Variants in EFNA5 observed in about 807,000 individuals in gnomAD.
EFNA5 encodes ephrin-A5.
In EFNA5, 5 loss-of-function variants were observed where a neutral mutation model predicts 22.9. That is an observed-to-expected ratio of 0.22 (90% CI 0.11 to 0.46). The LOEUF (loss-of-function observed/expected upper bound fraction) is 0.46, where lower values mean the gene tolerates loss of function less well. Among genes scored for constraint, EFNA5 ranks in the 20% least tolerant of loss-of-function variants. The probability of loss-of-function intolerance (pLI) is 0.99; values close to 1 mark genes in which losing one functional copy is unlikely to be tolerated. For missense variants in EFNA5, 237 were observed against 293.3 expected, an observed-to-expected ratio of 0.81 and a Z score of 1.40; for synonymous variants, 113 against 112.2, an observed-to-expected ratio of 1.01 and a Z score of -0.04.
chr5:107,450,641 C>T (rs1749534766), intron 1 of EFNA5, among the ~76,000 whole-genome samples: 1 of 152,318 alleles, frequency 6.6e-6, no homozygotes, highest in South Asian at 2.1e-4. Context: ...AAAGCCAGGG[C>T]ACTGGATGTA....
At chr5:107,476,445 C>A (rs936529612) in intron 1 of EFNA5, among the ~76,000 whole-genome samples, 1 of 151,968 alleles carries the variant, frequency 6.6e-6, no homozygotes, top group South Asian at 2.1e-4. Context: ...AAACAAGAAC[C>A]CAGAGCTGTT....
At chr5:107,480,492 T>C (rs1001579567) in intron 1 of EFNA5, among the ~76,000 whole-genome samples, 10 of 152,192 alleles carry the variant, frequency 6.6e-5, no homozygotes, top group African/African-American at 1.9e-4. Context: ...TTCCTAAAAA[T>C]GTTAATGCGC....
intron 1 of EFNA5, among the ~76,000 whole-genome samples, chr5:107,543,044 T>C (rs372526778): frequency 1.3e-5 from 2 of 152,240 alleles, no homozygotes; most frequent in East Asian, 1.9e-4. Flanking sequence ...ATTTACACTA[T>C]TGCCACACAG....
In EFNA5 at chr5:107,582,926, T is replaced by G. The variant is rs1302289162; in HGVS notation, c.125+87563A>C. Among the ~76,000 whole-genome samples the G allele has an allele frequency of 2.0e-5, 3 of 152,304 alleles. No homozygotes were observed. The East Asian group carries it at 5.8e-4, about 29-fold the overall frequency. On this transcript the variant is annotated intron_variant, in intron 1 of 4. Transcript: ENST00000333274. ...CTGTAAATAACTATAATCTAGTTAG[T>G]AGGATTCCTTTATGGCTTGAAGGGT... is the stretch of plus-strand genomic sequence containing the variant.
intron 1 of EFNA5, among the ~76,000 whole-genome samples, chr5:107,665,217 G>T (rs1001966387): frequency 3.3e-5 from 5 of 152,172 alleles, no homozygotes; most frequent in South Asian, 2.1e-4. Flanking sequence ...CGTGAAGCTG[G>T]TAGCTTGCTT....
At chr5:107,571,610 G>C (rs888338796) in intron 1 of EFNA5, among the ~76,000 whole-genome samples, 1 of 151,254 alleles carries the variant, frequency 6.6e-6, no homozygotes, top group Admixed American at 6.6e-5. Context: ...ACTGTACTGA[G>C]CCACCCTGGG....
chr5:107,482,844 C>G (rs868261032), intron 1 of EFNA5, among the ~76,000 whole-genome samples: 7 of 70,010 alleles, frequency 1.0e-4, no homozygotes, highest in African/African-American at 2.3e-4. Context: ...CTCTCTCTCT[C>G]TCTCTCTCTC....
At chr5:107,435,315 C>CTTTTTTTTTTTTTTTTTTT (rs3999107) in intron 1 of EFNA5, among the ~76,000 whole-genome samples, 35 of 104,642 alleles carry the variant, frequency 3.3e-4, no homozygotes, top group Non-Finnish European at 4.1e-4. Flanking sequence ...TGAAGATGCT[C>CTTTTTTTTTTTTTTTTTTT]TTTTTTTTTT....
rs1750922976 is a variant in EFNA5 at position 107,660,287 on chromosome 5, T to TATATATATATATAA, written c.125+10201_125+10202insTTATATATATATAT. On this transcript the variant is annotated intron_variant, in intron 1 of 4. Coordinates refer to ENST00000333274, the MANE Select transcript of EFNA5 (RefSeq NM_001962.3). The stretch of plus-strand genomic sequence containing the variant: ...ATATATATATATATATATATATATA[T>TATATATATATATAA]ATATATATATATATATATATATATA... 3.6e-5 allele frequency among the ~76,000 whole-genome samples: 4 copies of TATATATATATATAA among 110,440 alleles called. 1 individual carries two copies. The South Asian group carries it at 1.1e-3, about 31-fold the overall frequency. 72.5% of individuals were successfully genotyped at this position (110,440 alleles called of 152,430 possible). A position where few individuals can be genotyped will look rare whatever the true frequency, so the allele number is the denominator to read the frequency against.
intron 4 of EFNA5, 47 bp downstream of exon 4, chr5:107,387,188 A>G (rs748458040): frequency 1.5e-6 from 2 of 1,340,544 alleles, no homozygotes; most frequent in Non-Finnish European, 1.0e-6. Context: ...CGGAAGCACC[A>G]GAGAAATAGA....
intron 1 of EFNA5, among the ~76,000 whole-genome samples, chr5:107,443,524 G>A (rs923933214): frequency 1.3e-5 from 2 of 152,196 alleles, no homozygotes; most frequent in Non-Finnish European, 2.9e-5. Context: ...GTACAGTGCT[G>A]TAGTGGCAGA....
chr5:107,636,727 T>C (rs1409595669), intron 1 of EFNA5, among the ~76,000 whole-genome samples: 1 of 152,148 alleles, frequency 6.6e-6, no homozygotes, highest in East Asian at 1.9e-4. Context: ...GCATAACACT[T>C]CCTCTATTAA....
chr5:107,520,521 A>G (rs116707893), intron 1 of EFNA5, among the ~76,000 whole-genome samples: 1,821 of 152,316 alleles, frequency 0.012, 35 homozygotes, highest in African/African-American at 0.041. Flanking sequence ...TTGAGCATCT[A>G]TTTGTATCTG....
rs147666316 is a variant in EFNA5, at chr5:107,634,701, G to A, written c.125+35788C>T. Among the ~76,000 whole-genome samples, 744 of 145,852 alleles carry A rather than the reference G, an allele frequency of 5.1e-3. 43 individuals carry two copies. The highest frequency in any genetic ancestry group is 0.017 in the African/African-American group (706 of 40,920). On this transcript the variant is annotated intron_variant, in intron 1 of 4. Transcript: ENST00000333274. ...AGTTTTAACCTGAGTCCTTAAGGGC[G>A]TATACCCACACCAAAAATAATGACA...
At chr5:107,598,451 A>T (rs191212492) in intron 1 of EFNA5, among the ~76,000 whole-genome samples, 42 of 151,804 alleles carry the variant, frequency 2.8e-4, no homozygotes, top group African/African-American at 1.0e-3. Flanking sequence ...GTTATACTTA[A>T]TATAGAAAAA....
intron 4 of EFNA5, among the ~76,000 whole-genome samples, chr5:107,385,574 A>G (rs1747592553): frequency 6.6e-6 from 1 of 152,182 alleles, no homozygotes; most frequent in Non-Finnish European, 1.5e-5. Context: ...CACTACTTTG[A>G]TACTAATGTT....
chr5:107,424,542 G>T (rs1748759977), intron 2 of EFNA5, among the ~76,000 whole-genome samples: 1 of 152,002 alleles, frequency 6.6e-6, no homozygotes, highest in Non-Finnish European at 1.5e-5. Flanking sequence ...GGGAAAGTAA[G>T]AAGAGATTTT....
intron 4 of EFNA5, among the ~76,000 whole-genome samples, chr5:107,385,706 C>G (rs557530163): frequency 1.3e-5 from 2 of 151,948 alleles, no homozygotes; most frequent in South Asian, 4.2e-4. Flanking sequence ...AAGGGAGATA[C>G]TGAGTAACTT....
At chr5:107,629,630 C>T (rs2112535055) in intron 1 of EFNA5, among the ~76,000 whole-genome samples, 1 of 152,324 alleles carries the variant, frequency 6.6e-6, no homozygotes, top group Admixed American at 6.5e-5. Context: ...AATCTCTGTA[C>T]CTTCTGTTCA....
Sources: gnomAD v4.1 joint callset for allele counts (sites outside exome capture counted in the v4.1 genomes callset) on GRCh38, gnomAD v4.1.1 for gene constraint, MANE v1.5 for transcripts, NCBI Gene and HGNC (gene_info 2026-07-23, HGNC 2026-07-21) for gene names.